PTPRT: variants seen among roughly 807,000 people sequenced by gnomAD.
PTPRT encodes protein tyrosine phosphatase receptor type T.
In PTPRT, 56 loss-of-function variants were observed where a neutral mutation model predicts 176.8. That is an observed-to-expected ratio of 0.32 (90% CI 0.26 to 0.40). PTPRT has a LOEUF of 0.40. Among genes scored for constraint, PTPRT ranks in the 10% least tolerant of loss-of-function variants. The pLI, the probability that PTPRT is intolerant of heterozygous loss-of-function variation, is 1.00. For synonymous variants in PTPRT, 783 were observed against 739.0 expected (o/e 1.06, Z -0.96); for missense variants, 1,540 against 1,908.2 (o/e 0.81, Z 3.60).
At chr20:43,186,331 T>C (rs1350514530) in intron 1 of PTPRT, among the ~76,000 whole-genome samples, 1 of 152,212 alleles carries the variant, frequency 6.6e-6, no homozygotes, top group African/African-American at 2.4e-5. Flanking sequence ...CTGAGTTAAA[T>C]TCCCCTGCGC....
Position 42,132,457 on chromosome 20 carries a change from C to T in PTPRT, c.2771-3627G>A, listed in dbSNP as rs540875013. Among the ~76,000 whole-genome samples the T allele has an allele frequency of 1.4e-3, 208 of 152,230 alleles. 2 individuals are homozygous for T. In the Middle Eastern group the frequency reaches 0.017, roughly 12 times the overall value. On this transcript the variant is annotated intron_variant, in intron 18 of 30. Coordinates refer to ENST00000373187, the MANE Select transcript of PTPRT (RefSeq NM_007050.6). ...AAGGACTTGTATCAAAAATACACAA[C>T]AAACTCTTAAAACTCAGTAAGAAAG...
At chr20:42,755,012 G>C (rs1012856795) in intron 6 of PTPRT, among the ~76,000 whole-genome samples, 1 of 152,120 alleles carries the variant, frequency 6.6e-6, no homozygotes, top group African/African-American at 2.4e-5. Flanking sequence ...AAGTCACCAA[G>C]TAAACAAATA....
At chr20:42,312,802 C>CTTTT (rs11482597) in intron 12 of PTPRT, among the ~76,000 whole-genome samples, 21 of 112,358 alleles carry the variant, frequency 1.9e-4, no homozygotes, top group African/African-American at 7.2e-4. Context: ...GAGTGAGATC[C>CTTTT]TTTTTTTTTT....
intron 11 of PTPRT, among the ~76,000 whole-genome samples, chr20:42,330,316 CA>C (rs1360199001): frequency 1.3e-5 from 2 of 151,648 alleles, no homozygotes; most frequent in Admixed American, 6.6e-5. Context: ...ATTAAAAATA[CA>C]AAAAAATTAG....
At chr20:43,127,064 T>C (rs906696898) in intron 1 of PTPRT, among the ~76,000 whole-genome samples, 7 of 152,218 alleles carry the variant, frequency 4.6e-5, no homozygotes, top group Non-Finnish European at 2.9e-5. Flanking sequence ...GATTTACTTA[T>C]GATTGTAAGC....
intron 9 of PTPRT, among the ~76,000 whole-genome samples, chr20:42,393,049 G>A (rs2058815912): frequency 6.6e-6 from 1 of 152,114 alleles, no homozygotes; most frequent in African/African-American, 2.4e-5. Context: ...ATAAACTGAA[G>A]GGAATTTAGC....
intron 1 of PTPRT, among the ~76,000 whole-genome samples, chr20:43,151,660 G>A (rs187036321): frequency 6.6e-6 from 1 of 151,952 alleles, no homozygotes; most frequent in Non-Finnish European, 1.5e-5. Flanking sequence ...TCAGGAGTTT[G>A]AGACCAGCCT....
At chr20:42,174,463 C>G (rs1014343481) in intron 16 of PTPRT, among the ~76,000 whole-genome samples, 6 of 151,886 alleles carry the variant, frequency 4.0e-5, no homozygotes, top group African/African-American at 1.5e-4. Context: ...GAGCCACTAC[C>G]AGCATAAATA....
chr20:43,188,694 T>C (rs2015455874), intron 1 of PTPRT, among the ~76,000 whole-genome samples: 1 of 145,174 alleles, frequency 6.9e-6, no homozygotes, highest in African/African-American at 2.5e-5. Context: ...TAAGGTGATT[T>C]TGAACTTGGA....
chr20:42,133,682 T>C (rs1988241367), intron 18 of PTPRT, among the ~76,000 whole-genome samples: 1 of 152,186 alleles, frequency 6.6e-6, no homozygotes. Flanking sequence ...CTGAATAAAC[T>C]ATGGACTTTA....
chr20:42,680,290 C>T lies in PTPRT; in HGVS notation c.860-2131G>A, dbSNP rs536843291. ...CAACTCCAGATTGCCTCTATTATAG[C>T]CTGCCATTTGGTCAGAGAAGGAAAT... On this transcript the variant is annotated intron_variant, in intron 6 of 30. Transcript: ENST00000373187. Among the ~76,000 whole-genome samples, 5 of 152,298 alleles carry T rather than the reference C, an allele frequency of 3.3e-5. No homozygotes were observed. In the South Asian group the frequency reaches 1.0e-3, roughly 32 times the overall value.
intron 11 of PTPRT, among the ~76,000 whole-genome samples, chr20:42,322,952 C>T (rs1245458629): frequency 6.6e-6 from 1 of 151,932 alleles, no homozygotes; most frequent in Non-Finnish European, 1.5e-5. Context: ...GGGCGAAGGA[C>T]ATGAACAGAC....
intron 1 of PTPRT, among the ~76,000 whole-genome samples, chr20:43,049,149 C>G (rs187039346): frequency 6.6e-6 from 1 of 152,280 alleles, no homozygotes; most frequent in East Asian, 1.9e-4. Context: ...TCAGCCCCAC[C>G]ATTCTAGATC....
At chr20:42,655,842 A>G (rs1313152869) in intron 7 of PTPRT, among the ~76,000 whole-genome samples, 1 of 152,214 alleles carries the variant, frequency 6.6e-6, no homozygotes, top group Non-Finnish European at 1.5e-5. Flanking sequence ...GTAGGTAGAA[A>G]ACAGGTAGGA....
the PTPRT span, among the ~76,000 whole-genome samples, chr20:42,048,236 G>A: frequency 6.6e-6 from 1 of 152,224 alleles, no homozygotes; most frequent in Non-Finnish European, 1.5e-5. Flanking sequence ...AGTTCTTCCT[G>A]AGTATGGGGA....
At chr20:42,913,608 T>C (rs558028904) in intron 1 of PTPRT, among the ~76,000 whole-genome samples, 20 of 152,326 alleles carry the variant, frequency 1.3e-4, no homozygotes, top group African/African-American at 4.3e-4. Context: ...AAATAACTTC[T>C]TCTGAGGACA....
intron 8 of PTPRT, among the ~76,000 whole-genome samples, chr20:42,449,038 G>A (rs1227437339): frequency 1.3e-5 from 2 of 152,122 alleles, no homozygotes; most frequent in African/African-American, 4.8e-5. Context: ...ATCTTACCAA[G>A]TATCATTTTC....
chr20:43,157,461 A>C (rs1238536047), intron 1 of PTPRT, among the ~76,000 whole-genome samples: 2 of 152,156 alleles, frequency 1.3e-5, no homozygotes, highest in Non-Finnish European at 2.9e-5. Flanking sequence ...AATAAAGTAC[A>C]CTGTAAAGGT....
At chr20:42,441,957 C>A (rs766956374) in intron 9 of PTPRT, among the ~76,000 whole-genome samples, 2 of 152,190 alleles carry the variant, frequency 1.3e-5, no homozygotes, top group Non-Finnish European at 2.9e-5. Flanking sequence ...CAGCTGATTT[C>A]CTCCTGCCTA....
Sources: gnomAD v4.1 joint callset for allele counts (sites outside exome capture counted in the v4.1 genomes callset) on GRCh38, gnomAD v4.1.1 for gene constraint, MANE v1.5 for transcripts, NCBI Gene and HGNC (gene_info 2026-07-23, HGNC 2026-07-21) for gene names.